ST8SIA1: variants seen among roughly 807,000 people sequenced by gnomAD.
ST8SIA1 encodes ST8 alpha-N-acetyl-neuraminide alpha-2,8-sialyltransferase 1, also known as alpha-N-acetylneuraminide alpha-2,8-sialyltransferase.
In ST8SIA1, 16 loss-of-function variants were observed where a neutral mutation model predicts 35.9. The ratio of observed to expected loss-of-function variants is 0.45; its 90% CI spans 0.30 to 0.68. The LOEUF (loss-of-function observed/expected upper bound fraction) is 0.68. Among genes scored for constraint, ST8SIA1 ranks in the 30% least tolerant of loss-of-function variants. ST8SIA1 has a pLI of 0.09. For synonymous variants in ST8SIA1, 170 were observed against 169.6 expected (o/e 1.00, Z -0.02); for missense variants, 383 against 453.6 (o/e 0.84, Z 1.41).
intron 4 of ST8SIA1, among the ~76,000 whole-genome samples, chr12:22,242,968 G>C (rs1423590613): frequency 1.3e-5 from 2 of 152,158 alleles, no homozygotes; most frequent in Non-Finnish European, 2.9e-5. Flanking sequence ...CTCCAAACAA[G>C]ATATCCTAAC....
At chr12:22,303,144 G>A (rs1430128366) in intron 1 of ST8SIA1, among the ~76,000 whole-genome samples, 2 of 152,154 alleles carry the variant, frequency 1.3e-5, no homozygotes, top group African/African-American at 4.8e-5. Flanking sequence ...GAGATTCTAA[G>A]TGGAGGTGCC....
At chr12:22,235,197 T>C (rs1228676476) in intron 4 of ST8SIA1, among the ~76,000 whole-genome samples, 1 of 152,178 alleles carries the variant, frequency 6.6e-6, no homozygotes, top group Non-Finnish European at 1.5e-5. Flanking sequence ...TTAAACAAAT[T>C]AAAGCAACTT....
Position 22,334,399 on chromosome 12 carries a change from G to A in ST8SIA1, c.-167C>T, listed in dbSNP as rs894823819. ...GGCCCCGTCGGCCCCAAAGGTCAGCGCAAGGATTTTTTCAAATGCAACTTT... is the reference window on the plus strand; with the variant it reads ...GGCCCCGTCGGCCCCAAAGGTCAGCACAAGGATTTTTTCAAATGCAACTTT... On this transcript the variant is annotated 5_prime_UTR_variant, in exon 1 of 5. Transcript: ENST00000396037. 3.6e-5 allele frequency: 22 copies of A among 611,044 alleles called. No individual in the cohort carries two copies. The African/African-American group carries it at 4.1e-4, about 11-fold the overall frequency. 37.9% of individuals were successfully genotyped at this position (611,044 alleles called of 1,614,324 possible).
intron 1 of ST8SIA1, among the ~76,000 whole-genome samples, chr12:22,300,540 C>T (rs1019672995): frequency 2.0e-5 from 3 of 152,108 alleles, no homozygotes; most frequent in African/African-American, 7.2e-5. Context: ...GAAGTTATAT[C>T]TCATGGTCAA....
At chr12:22,215,865 T>C (rs950133444) in intron 4 of ST8SIA1, among the ~76,000 whole-genome samples, 1 of 152,190 alleles carries the variant, frequency 6.6e-6, no homozygotes, top group African/African-American at 2.4e-5. Context: ...TCAAACACAG[T>C]TGTTTCCTCT....
In ST8SIA1 at chr12:22,194,498, G is replaced by A. The variant is rs1864960421; in HGVS notation, c.*7054C>T. The A allele has an allele frequency of 6.6e-6, 1 of 152,174 alleles. No individual in the cohort carries two copies. The highest frequency in any genetic ancestry group is 2.4e-5 in the African/African-American group (1 of 41,424). 9.4% of individuals were successfully genotyped at this position (152,174 alleles called of 1,614,324 possible). A position where few individuals can be genotyped will look rare whatever the true frequency, so the allele number is the denominator to read the frequency against. Reference sequence around the variant, plus strand: ...ACATGATTACATCTCTAAAGTGACAGAGGTATATGAAGGAAACACATAAGG... The same window carrying A: ...ACATGATTACATCTCTAAAGTGACAAAGGTATATGAAGGAAACACATAAGG... On this transcript the variant is annotated 3_prime_UTR_variant, in exon 5 of 5. Transcript: ENST00000396037.
chr12:22,239,197 A>T (rs1865511134), intron 4 of ST8SIA1, among the ~76,000 whole-genome samples: 1 of 152,190 alleles, frequency 6.6e-6, no homozygotes, highest in Non-Finnish European at 1.5e-5. Context: ...CATTTTTAAA[A>T]ATTTTAATTG....
intron 1 of ST8SIA1, among the ~76,000 whole-genome samples, chr12:22,292,278 C>A (rs1591846613): frequency 6.6e-6 from 1 of 152,074 alleles, no homozygotes; most frequent in East Asian, 1.9e-4. Context: ...TAGAGAATTC[C>A]TCATATCCCT....
chr12:22,253,283 A>G (rs1341878047), intron 3 of ST8SIA1, among the ~76,000 whole-genome samples: 1 of 152,128 alleles, frequency 6.6e-6, no homozygotes, highest in East Asian at 1.9e-4. Flanking sequence ...CTAATGCCAA[A>G]GTACTGGAGA....
chr12:22,254,730 G>A (rs186612466), intron 3 of ST8SIA1, among the ~76,000 whole-genome samples: 24 of 152,138 alleles, frequency 1.6e-4, no homozygotes, highest in Middle Eastern at 3.4e-3. Context: ...TGGAACTGAC[G>A]TGCACATCAC....
At chr12:22,249,361 G>C (rs967339762) in intron 3 of ST8SIA1, among the ~76,000 whole-genome samples, 3 of 151,826 alleles carry the variant, frequency 2.0e-5, no homozygotes, top group East Asian at 3.9e-4. Context: ...TGGGACTACA[G>C]GCACCTGCCA....
chr12:22,297,846 C>A (rs1866265849), intron 1 of ST8SIA1, among the ~76,000 whole-genome samples: 1 of 152,106 alleles, frequency 6.6e-6, no homozygotes, highest in East Asian at 1.9e-4. Flanking sequence ...AATGAGTTGA[C>A]TGGTGGCTAG....
At chr12:22,302,645 TAGAAA>T (rs776202583) in intron 1 of ST8SIA1, among the ~76,000 whole-genome samples, 2 of 152,134 alleles carry the variant, frequency 1.3e-5, no homozygotes, top group Non-Finnish European at 2.9e-5. Flanking sequence ...CCAAAAATTT[TAGAAA>T]AGAAAAGGGG....
intron 1 of ST8SIA1, among the ~76,000 whole-genome samples, chr12:22,297,117 TG>T (rs1249151459): frequency 3.9e-5 from 6 of 152,080 alleles, no homozygotes; most frequent in African/African-American, 1.4e-4. Flanking sequence ...TTTTCTTTCT[TG>T]TTGTAATGAC....
chr12:22,332,677 A>G (rs1452081566), intron 1 of ST8SIA1, among the ~76,000 whole-genome samples: 7 of 152,196 alleles, frequency 4.6e-5, no homozygotes, highest in Non-Finnish European at 1.0e-4. Flanking sequence ...CCTTCCAAGG[A>G]GAATGCAGTT....
In ST8SIA1 at chr12:22,280,140, C is replaced by T. The variant is rs531589989; in HGVS notation, c.381+7009G>A. ...AATCAAATATGTCTATGCATTTAAG[C>T]GACTCCTAATAGAGTTTAAAAGTAC... On this transcript the variant is annotated intron_variant, in intron 2 of 4. Coordinates refer to ENST00000396037, the MANE Select transcript of ST8SIA1 (RefSeq NM_003034.4). 8.5e-5 allele frequency among the ~76,000 whole-genome samples: 13 copies of T among 152,222 alleles called. No individual in the cohort carries two copies. In the East Asian group the frequency reaches 1.9e-3, roughly 23 times the overall value.
At chr12:22,308,705 GATCAA>G (rs1031450301) in intron 1 of ST8SIA1, among the ~76,000 whole-genome samples, 1 of 150,162 alleles carries the variant, frequency 6.7e-6, no homozygotes, top group African/African-American at 2.5e-5. Flanking sequence ...ATATCTGAAT[GATCAA>G]ATCAAATCAA....
At chr12:22,229,826 G>C (rs1430048570) in intron 4 of ST8SIA1, among the ~76,000 whole-genome samples, 1 of 152,154 alleles carries the variant, frequency 6.6e-6, no homozygotes, top group Non-Finnish European at 1.5e-5. Context: ...AAGCACAGAA[G>C]AGATTCAAGG....
At chr12:22,268,728 T>C (rs1865877316) in intron 2 of ST8SIA1, 1 of 152,158 alleles carries the variant, frequency 6.6e-6, no homozygotes, top group African/African-American at 2.4e-5. Flanking sequence ...ACCACCCCCA[T>C]GATTAAATTA....
Sources: gnomAD v4.1 joint callset for allele counts (sites outside exome capture counted in the v4.1 genomes callset) on GRCh38, gnomAD v4.1.1 for gene constraint, MANE v1.5 for transcripts, NCBI Gene and HGNC (gene_info 2026-07-23, HGNC 2026-07-21) for gene names.